Variants in NAALADL2 observed in about 807,000 individuals in gnomAD.
The protein encoded by NAALADL2 is N-acetylated alpha-linked acidic dipeptidase like 2.
In NAALADL2, 76 loss-of-function variants were observed where a neutral mutation model predicts 87.2. The observed-to-expected ratio is 0.87, with a 90% CI of 0.72 to 1.05. NAALADL2 has a LOEUF of 1.05. NAALADL2 is among the 50% of genes least tolerant of loss of function. NAALADL2 has a pLI of 0.00. For missense variants in NAALADL2, 1,089 were observed against 945.8 expected, an observed-to-expected ratio of 1.15 and a Z score of -1.99; for synonymous variants, 354 against 331.0, an observed-to-expected ratio of 1.07 and a Z score of -0.75.
intron 2 of NAALADL2, among the ~76,000 whole-genome samples, chr3:175,133,560 A>G (rs1391117889): frequency 1.3e-5 from 2 of 152,164 alleles, no homozygotes; most frequent in Non-Finnish European, 2.9e-5. Flanking sequence ...TCTCCACCAA[A>G]AAAATACGAA....
chr3:174,716,534 T>C (rs1731206843), intron 2 of NAALADL2, among the ~76,000 whole-genome samples: 1 of 152,044 alleles, frequency 6.6e-6, no homozygotes, highest in Non-Finnish European at 1.5e-5. Flanking sequence ...ATATAGCAAC[T>C]AAAATTTAGG....
At chr3:175,718,235 G>GTGT in intron 11 of NAALADL2, 1 of 527,794 alleles carries the variant, frequency 1.9e-6, no homozygotes, top group Non-Finnish European at 3.2e-6. Flanking sequence ...ATTAGTTGCT[G>GTGT]TAACACTGTC....
chr3:174,475,985 A>G (rs931250929), intron 1 of NAALADL2, among the ~76,000 whole-genome samples: 3 of 152,082 alleles, frequency 2.0e-5, no homozygotes, highest in Non-Finnish European at 2.9e-5. Context: ...AGGGGAAAAC[A>G]TAACACTGTA....
chr3:175,117,784 A>C (rs1725495878), intron 2 of NAALADL2, among the ~76,000 whole-genome samples: 1 of 152,130 alleles, frequency 6.6e-6, no homozygotes, highest in Non-Finnish European at 1.5e-5. Context: ...TCAAAGGATT[A>C]TAAATCATGC....
intron 5 of NAALADL2, among the ~76,000 whole-genome samples, chr3:175,348,932 CAA>C (rs1181360984): frequency 2.6e-5 from 4 of 151,956 alleles, no homozygotes; most frequent in African/African-American, 4.8e-5. Context: ...AACCCAGAAG[CAA>C]AAAGAAGAAA....
intron 13 of NAALADL2, among the ~76,000 whole-genome samples, chr3:175,798,322 CTCAG>C (rs1251974537): frequency 6.6e-6 from 1 of 151,864 alleles, no homozygotes; most frequent in Non-Finnish European, 1.5e-5. Context: ...ATGAAAAAAT[CTCAG>C]TCACTTATAT....
chr3:175,698,503 A>ATATAT (rs1491393693), intron 11 of NAALADL2, among the ~76,000 whole-genome samples: 3 of 141,318 alleles, frequency 2.1e-5, no homozygotes, highest in African/African-American at 5.4e-5. Flanking sequence ...ATATATATAT[A>ATATAT]AAATCTCCAA....
chr3:175,244,011 A>C (rs2109660897), intron 3 of NAALADL2, among the ~76,000 whole-genome samples: 1 of 152,260 alleles, frequency 6.6e-6, no homozygotes, highest in South Asian at 2.1e-4. Flanking sequence ...TGACTGGCTC[A>C]CAAGCCCTCT....
intron 6 of NAALADL2, among the ~76,000 whole-genome samples, chr3:175,460,333 T>C (rs1446386589): frequency 6.6e-6 from 1 of 152,164 alleles, no homozygotes; most frequent in African/African-American, 2.4e-5. Context: ...TGCATCAGGA[T>C]CAGCACATGC....
chr3:174,774,942 G>A lies in NAALADL2; in HGVS notation c.-9+37196G>A, dbSNP rs116760323. ...TACTTGGCTGTTGGTTTTTACTTCA[G>A]TTCTCACAAACGGAAAAGTTAGGCT... On this transcript the variant is annotated intron_variant, in intron 3 of 3. Transcript: ENST00000434257. 8.3e-3 allele frequency among the ~76,000 whole-genome samples: 1,269 copies of A among 152,100 alleles called. 3 individuals carry two copies. Among genetic ancestry groups the A allele is most frequent in the African/African-American group, 0.018 (748 of 41,502 alleles).
intron 9 of NAALADL2, among the ~76,000 whole-genome samples, chr3:175,568,843 A>G (rs916788737): frequency 2.6e-5 from 4 of 152,234 alleles, no homozygotes; most frequent in Non-Finnish European, 5.9e-5. Context: ...AAAGTCAGCA[A>G]AGTGTCTCAT....
intron 4 of NAALADL2, among the ~76,000 whole-genome samples, chr3:175,316,461 A>G (rs978316248): frequency 6.6e-6 from 1 of 152,144 alleles, no homozygotes; most frequent in Non-Finnish European, 1.5e-5. Context: ...ACATATAGTT[A>G]TTTGAGAGAG....
intron 1 of NAALADL2, among the ~76,000 whole-genome samples, chr3:174,494,432 C>T (rs1328606685): frequency 1.4e-5 from 2 of 143,620 alleles, no homozygotes; most frequent in African/African-American, 2.7e-5. Flanking sequence ...AATGAGAACA[C>T]TTGGACACGG....
chr3:174,796,488 T>C (rs1718107038), intron 3 of NAALADL2, among the ~76,000 whole-genome samples: 1 of 152,146 alleles, frequency 6.6e-6, no homozygotes, highest in African/African-American at 2.4e-5. Flanking sequence ...TGGCTTTCTG[T>C]TTCTGAGTTG....
rs182142405 is a variant in NAALADL2 at position 175,324,487 on chromosome 3, G to T, written c.1090+162G>T. On this transcript the variant is annotated intron_variant, in intron 5 of 13. Transcript: ENST00000454872. ...TATTTTTTATCTTCTCATAATTATA[G>T]ACTACCAATTTGTTGGTATAAATTG... Among the ~76,000 whole-genome samples, 463 of 152,228 alleles carry T rather than the reference G, an allele frequency of 3.0e-3. 3 individuals are homozygous for T. Among genetic ancestry groups the T allele is most frequent in the African/African-American group, 0.011 (452 of 41,532 alleles).
rs185701721 is a variant in NAALADL2 at position 175,023,843 on chromosome 3, A to G, written c.44-72947A>G. Among the ~76,000 whole-genome samples the G allele has an allele frequency of 1.9e-3, 283 of 152,142 alleles. 1 individual carries two copies. Among genetic ancestry groups the G allele is most frequent in the Non-Finnish European group, 3.8e-3 (256 of 67,944 alleles). On this transcript the variant is annotated intron_variant, in intron 1 of 13. Transcript: ENST00000454872. Reference sequence around the variant, plus strand: ...TTTTTGAGATGTCTGTTTGGGCTCCATATCCCTTTCTGTTTCTTTTAAATA... The same window carrying G: ...TTTTTGAGATGTCTGTTTGGGCTCCGTATCCCTTTCTGTTTCTTTTAAATA...
chr3:174,778,451 C>CCT (rs1715494604), intron 3 of NAALADL2, among the ~76,000 whole-genome samples: 1 of 151,268 alleles, frequency 6.6e-6, no homozygotes. Context: ...GGCTACTCTG[C>CCT]ACCAGGTTTG....
chr3:174,879,590 A>G (rs1464973459), intron 1 of NAALADL2, among the ~76,000 whole-genome samples: 2 of 152,088 alleles, frequency 1.3e-5, no homozygotes, highest in Non-Finnish European at 2.9e-5. Context: ...TAATACATAG[A>G]AAAATATATT....
chr3:175,536,552 T>G (rs1276433177), intron 9 of NAALADL2, among the ~76,000 whole-genome samples: 1 of 152,154 alleles, frequency 6.6e-6, no homozygotes, highest in African/African-American at 2.4e-5. Flanking sequence ...TTTAATTGAT[T>G]AGACTTGAAA....
Sources: allele counts gnomAD v4.1 joint callset (sites outside exome capture counted in the v4.1 genomes callset), GRCh38; gene constraint gnomAD v4.1.1; transcripts MANE v1.5; gene names NCBI Gene and HGNC (gene_info 2026-07-23, HGNC 2026-07-21).